Variants in ZNF804B observed in about 807,000 individuals in gnomAD.
The protein encoded by ZNF804B is zinc finger protein 804B.
A neutral mutation model predicts 101.4 loss-of-function variants in ZNF804B; 80 were observed. The observed-to-expected ratio is 0.79, with a 90% confidence interval of 0.66 to 0.95. The LOEUF (loss-of-function observed/expected upper bound fraction) is 0.95, where lower values mean the gene tolerates loss of function less well. Ranked by LOEUF, ZNF804B falls within the 40% of genes least tolerant of loss-of-function variation. The pLI, the probability that ZNF804B is intolerant of heterozygous loss-of-function variation, is 0.00. For missense variants in ZNF804B, 1,673 were observed against 1,561.9 expected (o/e 1.07, Z -1.20); for synonymous variants, 622 against 558.8 (o/e 1.11, Z -1.59).
At chr7:88,836,324 AG>A (rs1218921235) in intron 1 of ZNF804B, among the ~76,000 whole-genome samples, 2 of 151,924 alleles carry the variant, frequency 1.3e-5, no homozygotes, top group Non-Finnish European at 2.9e-5. Context: ...TAACAACACA[AG>A]AATAATGAGG....
chr7:88,876,826 A>G (rs1022210241), intron 1 of ZNF804B, among the ~76,000 whole-genome samples: 1 of 151,364 alleles, frequency 6.6e-6, no homozygotes, highest in Non-Finnish European at 1.5e-5. Context: ...TTATAAGAGA[A>G]TATAAATGAC....
chr7:88,801,071 A>T (rs745528008), intron 1 of ZNF804B, among the ~76,000 whole-genome samples: 1 of 151,856 alleles, frequency 6.6e-6, no homozygotes, highest in East Asian at 1.9e-4. Context: ...TTTTATTTCC[A>T]TAGGTTTTTG....
chr7:88,855,804 G>C (rs889480260), intron 1 of ZNF804B, among the ~76,000 whole-genome samples: 1 of 152,186 alleles, frequency 6.6e-6, no homozygotes, highest in East Asian at 1.9e-4. Context: ...AAGGGATCCA[G>C]TTTCAGCTTT....
intron 1 of ZNF804B, among the ~76,000 whole-genome samples, chr7:89,159,625 T>C (rs1335998549): frequency 4.6e-5 from 7 of 152,100 alleles, no homozygotes; most frequent in African/African-American, 1.7e-4. Context: ...ACTTCATGAG[T>C]TAACATCTGA....
At chr7:89,167,159 C>A (rs1791156463) in intron 1 of ZNF804B, among the ~76,000 whole-genome samples, 1 of 151,650 alleles carries the variant, frequency 6.6e-6, no homozygotes, top group African/African-American at 2.4e-5. Context: ...TTCCAAAGAA[C>A]TTTCCAGTAT....
chr7:89,094,080 T>C (rs1789935179), intron 1 of ZNF804B, among the ~76,000 whole-genome samples: 2 of 152,232 alleles, frequency 1.3e-5, no homozygotes, highest in Non-Finnish European at 2.9e-5. Context: ...AAACACTTTA[T>C]ACTATTGTCA....
At chr7:88,938,126 G>A (rs530518492) in intron 1 of ZNF804B, among the ~76,000 whole-genome samples, 6 of 152,016 alleles carry the variant, frequency 3.9e-5, no homozygotes, top group African/African-American at 1.4e-4. Flanking sequence ...TGGGGAGGGG[G>A]AGGTTTCCAG....
intron 1 of ZNF804B, among the ~76,000 whole-genome samples, chr7:89,065,774 T>C (rs1430219653): frequency 1.3e-5 from 2 of 152,076 alleles, no homozygotes; most frequent in African/African-American, 4.8e-5. Context: ...AACTCCTTCT[T>C]CACATCATCT....
At chr7:89,088,511 A>G (rs757813841) in intron 1 of ZNF804B, among the ~76,000 whole-genome samples, 4 of 151,388 alleles carry the variant, frequency 2.6e-5, no homozygotes, top group Non-Finnish European at 5.9e-5. Flanking sequence ...AGTCAGATCT[A>G]TGAGTAAAGG....
rs1028974235 is a variant in ZNF804B, at chr7:89,333,906, C to G, written c.924C>G (p.Asp308Glu). The G allele has an allele frequency of 2.5e-6, 4 of 1,613,556 alleles. No homozygotes were observed. The highest frequency in any genetic ancestry group is 3.4e-6 in the Non-Finnish European group (4 of 1,179,740). The change falls in exon 4 of 4, where the codon GAC becomes GAG. Residue 308 changes from aspartate to glutamate, a missense_variant. Transcript: ENST00000333190. ...CTAAAATTTTGCAAGACAAACACGA[C>G]TCTATTGATGAGACACTAGAAGATT... Reference protein sequence around the residue: ...INSKILQDKHDSIDETLEDSI... With the variant: ...INSKILQDKHESIDETLEDSI...
intron 1 of ZNF804B, among the ~76,000 whole-genome samples, chr7:89,109,852 G>T (rs1482773921): frequency 6.6e-6 from 1 of 152,050 alleles, no homozygotes. Flanking sequence ...GAGTTTATAT[G>T]TCTTACTAGT....
intron 1 of ZNF804B, among the ~76,000 whole-genome samples, chr7:88,946,854 G>T (rs1236974932): frequency 4.0e-5 from 6 of 151,652 alleles, no homozygotes; most frequent in African/African-American, 9.7e-5. Context: ...GTGGGCAAGA[G>T]ATATGAACGG....
chr7:89,108,502 A>G (rs1260869144), intron 1 of ZNF804B, among the ~76,000 whole-genome samples: 1 of 152,144 alleles, frequency 6.6e-6, no homozygotes, highest in Non-Finnish European at 1.5e-5. Flanking sequence ...ACTTTTAGAA[A>G]CTTTTTATTA....
At chr7:88,986,663 C>T (rs1360136903) in intron 1 of ZNF804B, among the ~76,000 whole-genome samples, 5 of 152,008 alleles carry the variant, frequency 3.3e-5, no homozygotes. Flanking sequence ...CCTAGTTTAC[C>T]TTTTACTTGA....
intron 1 of ZNF804B, among the ~76,000 whole-genome samples, chr7:89,076,206 G>A (rs1340751817): frequency 6.6e-6 from 1 of 152,078 alleles, no homozygotes; most frequent in Non-Finnish European, 1.5e-5. Context: ...GAAGGGGCTG[G>A]GGTGGAATTA....
At chr7:89,298,707 T>C (rs536445056) in intron 2 of ZNF804B, among the ~76,000 whole-genome samples, 32 of 152,120 alleles carry the variant, frequency 2.1e-4, no homozygotes, top group African/African-American at 7.2e-4. Flanking sequence ...GTACAAATTT[T>C]ATTATATTTG....
chr7:89,183,490 A>T (rs973541632), intron 1 of ZNF804B, among the ~76,000 whole-genome samples: 1 of 152,174 alleles, frequency 6.6e-6, no homozygotes, highest in African/African-American at 2.4e-5. Context: ...AAAGTCTGCA[A>T]AAATCATTTT....
At chr7:88,861,432 G>A (rs977918106) in intron 1 of ZNF804B, among the ~76,000 whole-genome samples, 1 of 152,188 alleles carries the variant, frequency 6.6e-6, no homozygotes, top group Non-Finnish European at 1.5e-5. Flanking sequence ...GAAGGATCCA[G>A]TGGCTGGAAC....
chr7:89,113,350 G>A (rs917064757), intron 1 of ZNF804B, among the ~76,000 whole-genome samples: 2 of 151,870 alleles, frequency 1.3e-5, no homozygotes, highest in Non-Finnish European at 2.9e-5. Flanking sequence ...TAATAAACCT[G>A]AACCTAAAAT....
Sources: gnomAD v4.1 joint callset for allele counts (sites outside exome capture counted in the v4.1 genomes callset) on GRCh38, gnomAD v4.1.1 for gene constraint, MANE v1.5 for transcripts, NCBI Gene and HGNC (gene_info 2026-07-23, HGNC 2026-07-21) for gene names.